The following PLXDC2 variants were observed in gnomAD, a reference collection of about 807,000 sequenced individuals.
PLXDC2 encodes plexin domain-containing protein 2.
Under a neutral mutation model 68.9 loss-of-function variants are expected in PLXDC2, and 40 were observed. The ratio of observed to expected loss-of-function variants is 0.58; its 90% CI spans 0.45 to 0.76. PLXDC2 has a LOEUF of 0.76. Ranked by LOEUF, PLXDC2 falls within the 30% of genes least tolerant of loss-of-function variation. The pLI is 0.00. For missense variants in PLXDC2, 644 were observed against 661.9 expected (o/e 0.97, Z 0.30); for synonymous variants, 243 against 234.2 (o/e 1.04, Z -0.34).
chr10:20,137,326 C>T (rs1833947254), intron 4 of PLXDC2, among the ~76,000 whole-genome samples: 1 of 152,164 alleles, frequency 6.6e-6, no homozygotes. Context: ...CTGTTACACT[C>T]TCATTTAGCA....
At chr10:19,906,133 G>C (rs929571059) in intron 1 of PLXDC2, among the ~76,000 whole-genome samples, 1 of 152,110 alleles carries the variant, frequency 6.6e-6, no homozygotes, top group Non-Finnish European at 1.5e-5. Flanking sequence ...AGAAGAGAGA[G>C]GGACTAAAGT....
chr10:19,896,254 C>G (rs1838056640), intron 1 of PLXDC2, among the ~76,000 whole-genome samples: 1 of 152,200 alleles, frequency 6.6e-6, no homozygotes, highest in African/African-American at 2.4e-5. Flanking sequence ...TAGCTTTGCA[C>G]ACACATGGAA....
intron 1 of PLXDC2, among the ~76,000 whole-genome samples, chr10:19,895,766 T>C (rs929229594): frequency 2.6e-5 from 4 of 152,038 alleles, no homozygotes; most frequent in African/African-American, 9.7e-5. Flanking sequence ...TGAAAAATCA[T>C]GCTAAGGGCT....
At chr10:19,954,553 G>A (rs1187630148) in intron 1 of PLXDC2, among the ~76,000 whole-genome samples, 18 of 152,154 alleles carry the variant, frequency 1.2e-4, no homozygotes, top group African/African-American at 4.8e-5. Context: ...TGGCATGAGC[G>A]TTAATTTTGT....
In PLXDC2 at chr10:19,835,929, T is replaced by C. The variant is rs191075474; in HGVS notation, c.112+18738T>C. ...GCTCACAGCCATAATTTCAGCACTT[T>C]GGGGGGCTGACATGGGAGGATCGCT... On this transcript the variant is annotated intron_variant, in intron 1 of 13. Coordinates refer to ENST00000377252, the MANE Select transcript of PLXDC2 (RefSeq NM_032812.9). Among the ~76,000 whole-genome samples the C allele has an allele frequency of 9.9e-4, 150 of 152,130 alleles. 1 individual carries two copies. Among genetic ancestry groups the C allele is most frequent in the Middle Eastern group, 3.4e-3 (1 of 294 alleles).
chr10:20,057,158 A>G (rs1440313488), intron 3 of PLXDC2, among the ~76,000 whole-genome samples: 4 of 152,206 alleles, frequency 2.6e-5, no homozygotes, highest in African/African-American at 9.7e-5. Flanking sequence ...TTCTCATCCT[A>G]AAGTTATTAA....
At chr10:20,261,785 C>A (rs780895794) in intron 13 of PLXDC2, among the ~76,000 whole-genome samples, 1 of 152,044 alleles carries the variant, frequency 6.6e-6, no homozygotes, top group Non-Finnish European at 1.5e-5. Flanking sequence ...ACCCGGGAGG[C>A]GGAGGTTGCG....
At chr10:20,048,947 A>T (rs1240773757) in intron 3 of PLXDC2, among the ~76,000 whole-genome samples, 11 of 152,114 alleles carry the variant, frequency 7.2e-5, no homozygotes, top group African/African-American at 2.4e-4. Context: ...AGGTTGCCTC[A>T]TACATAAATG....
At chr10:20,248,056 C>A (rs555407533) in intron 13 of PLXDC2, among the ~76,000 whole-genome samples, 1 of 152,330 alleles carries the variant, frequency 6.6e-6, no homozygotes, top group South Asian at 2.1e-4. Context: ...CTAGCCAGAC[C>A]TCAGGCTGCT....
At chr10:19,911,161 A>C (rs572408909) in intron 1 of PLXDC2, among the ~76,000 whole-genome samples, 9 of 152,042 alleles carry the variant, frequency 5.9e-5, no homozygotes, top group Admixed American at 5.9e-4. Flanking sequence ...ATCCAAGACC[A>C]TATAATATTT....
At chr10:19,899,949 G>A (rs1294300936) in intron 1 of PLXDC2, among the ~76,000 whole-genome samples, 1 of 152,060 alleles carries the variant, frequency 6.6e-6, no homozygotes, top group Admixed American at 6.6e-5. Context: ...TTCCTAGATG[G>A]TTAGAGAATT....
Position 20,217,584 on chromosome 10 carries a change from A to G in PLXDC2, c.1273+8A>G. The stretch of plus-strand genomic sequence containing the variant: ...CCAGCCTCCCTACAGAAGGTACCCA[A>G]GAGATAGTTTGCTTTTTTTTTTTTT... On this transcript the variant is annotated splice_region_variant and intron_variant, in intron 11 of 13. Transcript: ENST00000377252. 1 of 1,183,776 alleles carries G rather than the reference A, an allele frequency of 8.4e-7. No homozygotes were observed. The highest frequency in any genetic ancestry group is 1.2e-6 in the Non-Finnish European group (1 of 856,254). 73.3% of individuals were successfully genotyped at this position (1,183,776 alleles called of 1,614,324 possible). A position where few individuals can be genotyped will look rare whatever the true frequency, so the allele number is the denominator to read the frequency against.
intron 9 of PLXDC2, among the ~76,000 whole-genome samples, chr10:20,208,295 G>A (rs1835020025): frequency 6.6e-6 from 1 of 152,224 alleles, no homozygotes; most frequent in Non-Finnish European, 1.5e-5. Context: ...ATGGTGGAAG[G>A]CAAAAGACAC....
chr10:20,185,476 A>G (rs746253058), intron 9 of PLXDC2, among the ~76,000 whole-genome samples: 2 of 151,958 alleles, frequency 1.3e-5, no homozygotes, highest in African/African-American at 4.8e-5. Flanking sequence ...TAATTTAGCT[A>G]TAAGAATTTT....
At chr10:20,217,291 T>G (rs1835150298) in intron 10 of PLXDC2, 135 bp from the exon 11 acceptor site, 2 of 715,708 alleles carry the variant, frequency 2.8e-6, no homozygotes, top group Non-Finnish European at 2.1e-6. Context: ...ATTAATATAG[T>G]CTTGTACAAA....
chr10:19,969,683 C>T (rs921959201), intron 1 of PLXDC2, among the ~76,000 whole-genome samples: 1 of 152,104 alleles, frequency 6.6e-6, no homozygotes, highest in Non-Finnish European at 1.5e-5. Context: ...TGCTATTGGC[C>T]AGTATTTCAG....
At chr10:20,144,421 A>G (rs908018340) in intron 5 of PLXDC2, among the ~76,000 whole-genome samples, 3 of 152,182 alleles carry the variant, frequency 2.0e-5, no homozygotes, top group African/African-American at 7.2e-5. Context: ...ACAGGTCAAA[A>G]TAGCACAATG....
intron 3 of PLXDC2, among the ~76,000 whole-genome samples, chr10:20,061,775 A>C (rs1836108838): frequency 6.6e-6 from 1 of 152,234 alleles, no homozygotes; most frequent in Non-Finnish European, 1.5e-5. Context: ...AATATAACAA[A>C]AATGAAGACA....
chr10:20,015,223 G>A (rs1345745927), intron 2 of PLXDC2, among the ~76,000 whole-genome samples: 1 of 152,120 alleles, frequency 6.6e-6, no homozygotes, highest in African/African-American at 2.4e-5. Flanking sequence ...GCAAAATTAG[G>A]AACTCAAGAA....
Sources: allele counts gnomAD v4.1 joint callset (sites outside exome capture counted in the v4.1 genomes callset), GRCh38; gene constraint gnomAD v4.1.1; transcripts MANE v1.5; gene names NCBI Gene and HGNC (gene_info 2026-07-23, HGNC 2026-07-21).